The following HELZ2 variants were observed in gnomAD, a reference collection of about 807,000 sequenced individuals.
HELZ2 encodes the protein 3'-5' exoribonuclease HELZ2.
Under a neutral mutation model 208.8 loss-of-function variants are expected in HELZ2, and 143 were observed. The ratio of observed to expected loss-of-function variants is 0.68; its 90% CI spans 0.60 to 0.79. The LOEUF is 0.79. Among genes scored for constraint, HELZ2 ranks in the 30% least tolerant of loss-of-function variants. HELZ2 has a pLI of 0.00. For synonymous variants in HELZ2, 1,705 were observed against 1,693.7 expected, an observed-to-expected ratio of 1.01 and a Z score of -0.16; for missense variants, 3,690 against 3,794.5, an observed-to-expected ratio of 0.97 and a Z score of 0.72.
exon 6 of HELZ2, chr20:63,567,176 T>C (rs1200383423): frequency 1.9e-6 from 3 of 1,608,842 alleles, no homozygotes; most frequent in South Asian, 1.1e-5. Flanking sequence ...ACCTCGTGAG[T>C]CTCCTGCTGG....
chr20:63,569,252 G>A, exon 4 of HELZ2: 1 of 1,572,698 alleles, frequency 6.4e-7, no homozygotes, highest in Non-Finnish European at 8.6e-7. Context: ...CGCTGCTGCG[G>A]TTGAACTCCA....
In HELZ2 at chr20:63,563,193, G is replaced by A. The variant is rs750091303; in HGVS notation, c.5629C>T (p.Leu1877=). ...ACCTGCAGGGTGTCCCCACTGCCCA[G>A]CTCCCGGGCCACCTCCAGGAAATGG... The change falls in exon 8 of 19, where the codon CTG becomes TTG. Residue 1877 remains leucine, a synonymous_variant. Coordinates refer to ENST00000467148, the Ensembl canonical transcript of HELZ2. The A allele has an allele frequency of 9.4e-6, 15 of 1,587,776 alleles. No individual in the cohort carries two copies. In the Middle Eastern group the frequency reaches 5.0e-4, roughly 53 times the overall value.
In HELZ2 at chr20:63,560,200, AC is replaced by A; in HGVS notation, c.7627del (p.Val2543TrpfsTer19). On this transcript the variant is annotated frameshift_variant, in exon 17 of 19. Transcript: ENST00000467148. LOFTEE classifies it high-confidence loss of function. ...GCTCTTGGTGATGGAGGACACGGCC[AC>A]CCCGGCGATGCCCTCTCGCCGAAGG... 7.1e-7 allele frequency: 1 copy of A among 1,400,886 alleles called. No individual in the cohort carries two copies. The highest frequency in any genetic ancestry group is 9.4e-7 in the Non-Finnish European group (1 of 1,059,792). 86.8% of individuals were successfully genotyped at this position (1,400,886 alleles called of 1,614,324 possible).
exon 8 of HELZ2, chr20:63,565,454 T>C (rs310632): frequency 0.96 from 1,538,883 of 1,609,276 alleles, 736,143 homozygotes; most frequent in East Asian, 1. Context: ...GGGCTCCGCG[T>C]GCAGCAGCTT....
At chr20:63,560,545 G>T (rs753854528) in exon 16 of HELZ2, 4 of 1,612,918 alleles carry the variant, frequency 2.5e-6, no homozygotes, top group South Asian at 2.2e-5. Flanking sequence ...ACACCAGCAG[G>T]CTCCGCTCGT....
At chr20:63,565,373 G>A in exon 8 of HELZ2, 1 of 1,608,188 alleles carries the variant, frequency 6.2e-7, no homozygotes, top group Non-Finnish European at 8.5e-7. Context: ...GCCCGAGGAG[G>A]CATCGTCCAG....
At position 63,570,832 on chromosome 20, in the gene HELZ2, C is replaced by T. The variant is rs766127637; in HGVS notation, c.315G>A (p.Lys105=). ...CCTGCAGCTCCTGTGCTGAGTGTGC[C>T]TTGGTGCAGGCGTCCCCATACTCAC... Residue 105 remains lysine (K), a synonymous_variant, in exon 2 of 19, where the codon AAG becomes AAA. Transcript: ENST00000467148. 4.4e-6 allele frequency: 7 copies of T among 1,606,494 alleles called. No homozygotes were observed. In the Admixed American group the frequency reaches 1.0e-4, roughly 23 times the overall value.
exon 19 of HELZ2, chr20:63,559,262 G>A: frequency 1.3e-6 from 2 of 1,572,798 alleles, no homozygotes; most frequent in Non-Finnish European, 1.7e-6. Context: ...AGGCATAGTT[G>A]GCCTCCTGCA....
At chr20:63,568,373 C>T in exon 5 of HELZ2, 1 of 1,610,682 alleles carries the variant, frequency 6.2e-7, no homozygotes, top group Non-Finnish European at 8.5e-7. Context: ...GGTGTGTGTG[C>T]AGATGAGCAC....
exon 2 of HELZ2, chr20:63,570,818 T>G: frequency 6.2e-7 from 1 of 1,609,384 alleles, no homozygotes; most frequent in Non-Finnish European, 8.5e-7. Context: ...CTGCAGCTCC[T>G]GTGCTGAGTG....
chr20:63,565,992 C>T (rs781237837), exon 8 of HELZ2: 17 of 1,598,436 alleles, frequency 1.1e-5, no homozygotes, highest in Non-Finnish European at 1.4e-5. Context: ...GACAGGCCCT[C>T]GGGGCAGACA....
exon 4 of HELZ2, chr20:63,569,516 A>C: frequency 3.1e-6 from 5 of 1,610,186 alleles, no homozygotes; most frequent in Non-Finnish European, 4.2e-6. Flanking sequence ...CAGCCTGCAC[A>C]CGCACTCCCA....
chr20:63,567,602 A>T (rs1245691878), exon 6 of HELZ2: 20 of 1,599,352 alleles, frequency 1.3e-5, no homozygotes, highest in Non-Finnish European at 1.7e-5. Context: ...CTGTGGAAAT[A>T]CTCCCGGATG....
In HELZ2 at chr20:63,560,084, G is replaced by A. The variant is rs774031182; in HGVS notation, c.7669C>T (p.Arg2557Cys). The A allele has an allele frequency of 5.8e-5, 93 of 1,599,984 alleles. No individual in the cohort carries two copies. Among genetic ancestry groups the A allele is most frequent in the Admixed American group, 1.2e-4 (7 of 58,668 alleles). Reference sequence around the variant, plus strand: ...CGGACGGTGCTCACCAGCACATAGCGCCACTCGCTCCCTGCGGGATGGGAG... The same window carrying A: ...CGGACGGTGCTCACCAGCACATAGCACCACTCGCTCCCTGCGGGATGGGAG... Residue 2557 changes from arginine to cysteine, a missense_variant, in exon 18 of 19, where the codon CGC (arginine) becomes TGC (cysteine). Arg to Cys is a radical substitution (Grantham distance 180, BLOSUM62 -3). Transcript: ENST00000467148.
downstream of HELZ2, chr20:63,558,776 G>T (rs2082842811): frequency 6.5e-6 from 1 of 152,706 alleles, no homozygotes; most frequent in African/African-American, 2.4e-5. Context: ...GACCTCAGGT[G>T]ATCTGCCCGC....
At chr20:63,567,448 T>C (rs1251016451) in exon 6 of HELZ2, 1 of 1,559,756 alleles carries the variant, frequency 6.4e-7, no homozygotes, top group South Asian at 1.2e-5. Flanking sequence ...CCGCGCCAGC[T>C]CTGCCCGTGT....
At chr20:63,566,818 G>A (rs755780212) in intron 6 of HELZ2, 26 bp downstream of exon 7, 43 of 1,567,202 alleles carry the variant, frequency 2.7e-5, no homozygotes, top group Non-Finnish European at 3.7e-5. Flanking sequence ...TGCGGTCGGG[G>A]GCTGTCCCGG....
intron 5 of HELZ2, 142 bp from the exon 7 acceptor site, chr20:63,567,769 C>T (rs2082978934): frequency 4.1e-6 from 6 of 1,458,462 alleles, no homozygotes; most frequent in Non-Finnish European, 5.4e-6. Flanking sequence ...ACACTGGTGT[C>T]CCTCCTGTCA....
At chr20:63,565,611 C>T in exon 8 of HELZ2, 2 of 1,610,474 alleles carry the variant, frequency 1.2e-6, no homozygotes, top group Non-Finnish European at 1.7e-6. Context: ...ATGGCGTCGT[C>T]AGCGTTGAGC....
Sources: allele counts gnomAD v4.1 joint callset, GRCh38; gene constraint gnomAD v4.1.1; transcripts MANE v1.5; gene names NCBI Gene and HGNC (gene_info 2026-07-23, HGNC 2026-07-21).